The following RBM46 variants were observed in gnomAD, a reference collection of about 807,000 sequenced individuals.
RBM46 encodes RNA binding motif protein 46.
In RBM46, 12 loss-of-function variants were observed where a neutral mutation model predicts 43.3. The observed-to-expected ratio is 0.28, with a 90% CI of 0.18 to 0.45. The LOEUF is 0.45. Among genes scored for constraint, RBM46 ranks in the 20% least tolerant of loss-of-function variants. RBM46 has a pLI of 1.00. For missense variants in RBM46, 412 were observed against 639.1 expected (o/e 0.64, Z 3.83); for synonymous variants, 205 against 207.6 (o/e 0.99, Z 0.11).
intron 4 of RBM46, among the ~76,000 whole-genome samples, chr4:154,805,971 T>C (rs1578925957): frequency 6.6e-6 from 1 of 152,064 alleles, no homozygotes; most frequent in East Asian, 1.9e-4. Flanking sequence ...TTGCAAAATT[T>C]CTTTTAAAAT....
chr4:154,806,877 G>T (rs1734932635), intron 4 of RBM46, among the ~76,000 whole-genome samples: 1 of 151,818 alleles, frequency 6.6e-6, no homozygotes, highest in South Asian at 2.1e-4. Context: ...AACATGCCAT[G>T]TGGGGAGTAT....
chr4:154,796,963 G>A (rs1296790724), intron 2 of RBM46, 60 bp downstream of exon 2: 22 of 1,403,054 alleles, frequency 1.6e-5, no homozygotes, highest in Non-Finnish European at 2.2e-5. Flanking sequence ...TAGATTAGAT[G>A]TGTATCCCCA....
intron 4 of RBM46, among the ~76,000 whole-genome samples, chr4:154,816,734 G>T (rs1735462625): frequency 6.7e-6 from 1 of 149,986 alleles, no homozygotes. Flanking sequence ...TTTCAACATT[G>T]AATACAAATT....
intron 1 of RBM46, among the ~76,000 whole-genome samples, chr4:154,792,567 A>G (rs1235857455): frequency 6.6e-6 from 1 of 152,142 alleles, no homozygotes; most frequent in Non-Finnish European, 1.5e-5. Context: ...AATGTCTGGT[A>G]GTGGGAGAGA....
chr4:154,800,578 C>T (rs1419625709), intron 4 of RBM46, among the ~76,000 whole-genome samples: 1 of 152,078 alleles, frequency 6.6e-6, no homozygotes, highest in East Asian at 1.9e-4. Flanking sequence ...TGTTTTCCTA[C>T]TTTCTGTTTT....
intron 1 of RBM46, among the ~76,000 whole-genome samples, chr4:154,786,761 T>G (rs146478983): frequency 0.033 from 4,963 of 152,102 alleles, 283 homozygotes; most frequent in African/African-American, 0.11. Context: ...ACCCCACCTC[T>G]ACTAAAAATA....
In RBM46 at chr4:154,803,005, GA is replaced by G. The variant is rs34819699; in HGVS notation, c.1402+3449del. 3.3e-5 allele frequency among the ~76,000 whole-genome samples: 5 copies of G among 150,438 alleles called. No individual in the cohort carries two copies. In the South Asian group the frequency reaches 6.3e-4, roughly 19 times the overall value. On this transcript the variant is annotated intron_variant, in intron 4 of 4. Coordinates refer to ENST00000281722, the MANE Select transcript of RBM46 (RefSeq NM_144979.5). ...TATTTCCCAAGTTTGAAAAATAAAA[GA>G]AAAAAAATTAGGCTTTGCTTAAATG...
At chr4:154,795,790 CCTAGCA>C (rs1470274933) in intron 1 of RBM46, among the ~76,000 whole-genome samples, 17 of 152,140 alleles carry the variant, frequency 1.1e-4, no homozygotes, top group Middle Eastern at 3.4e-3. Context: ...CATTTAGGAA[CCTAGCA>C]CTAATTGAAG....
Position 154,827,916 on chromosome 4 carries a change from C to G in RBM46, c.1451C>G (p.Ala484Gly). Residue 484 changes from alanine (A) to glycine (G), a missense_variant, in exon 5 of 5, where the codon GCT (alanine) becomes GGT (glycine). Physicochemically the swap from Ala to Gly is moderately conservative, Grantham distance 60. Transcript: ENST00000281722. ...ATAAATAGTCTTTCCCCTGTTAGTG[C>G]TACCCTCTCTTCTGGGACTCCCAGC... ...SSINSLSPVSATLSSGTPSVL... is the reference protein window; with the variant it reads ...SSINSLSPVSGTLSSGTPSVL... The G allele has an allele frequency of 6.2e-7, 1 of 1,613,910 alleles. No homozygotes were observed. Among genetic ancestry groups the G allele is most frequent in the Non-Finnish European group, 8.5e-7 (1 of 1,179,852 alleles).
chr4:154,820,230 T>C (rs60737037), intron 4 of RBM46: 23,352 of 437,398 alleles, frequency 0.053, 1,308 homozygotes, highest in African/African-American at 0.19. Context: ...CTTACTTCTT[T>C]TTCTCTAAAT....
chr4:154,796,303 AT>A (rs1734348281), intron 1 of RBM46, among the ~76,000 whole-genome samples: 1 of 152,332 alleles, frequency 6.6e-6, no homozygotes, highest in South Asian at 2.1e-4. Flanking sequence ...TTGGGGTGCC[AT>A]TTATTGGTTG....
At chr4:154,793,835 C>T (rs938307183) in intron 1 of RBM46, among the ~76,000 whole-genome samples, 2 of 152,234 alleles carry the variant, frequency 1.3e-5, no homozygotes, top group East Asian at 1.9e-4. Flanking sequence ...GGAGCACGGT[C>T]GATTCCATTT....
At chr4:154,820,307 G>C in intron 4 of RBM46, 1 of 1,155,666 alleles carries the variant, frequency 8.7e-7, no homozygotes, top group Non-Finnish European at 1.2e-6. Flanking sequence ...GCACTTCCAA[G>C]ATAGGGATAA....
At chr4:154,793,832 G>A (rs977137893) in intron 1 of RBM46, among the ~76,000 whole-genome samples, 3 of 152,116 alleles carry the variant, frequency 2.0e-5, no homozygotes, top group African/African-American at 4.8e-5. Context: ...ATAGGAGCAC[G>A]GTCGATTCCA....
intron 4 of RBM46, among the ~76,000 whole-genome samples, chr4:154,816,518 T>A (rs750717565): frequency 1.1e-4 from 17 of 152,120 alleles, no homozygotes; most frequent in Admixed American, 2.0e-4. Context: ...TAATTTCAGT[T>A]TCTAATTGTT....
At chr4:154,817,327 CTTTCTT>C (rs1259984316) in intron 4 of RBM46, among the ~76,000 whole-genome samples, 6 of 125,248 alleles carry the variant, frequency 4.8e-5, no homozygotes, top group Admixed American at 1.9e-4. Context: ...TGGTTTTTCT[CTTTCTT>C]TTTTTTTTTT....
In RBM46 at chr4:154,798,033, A is replaced by C. The variant is rs140214215; in HGVS notation, c.374A>C (p.Glu125Ala). 4 of 1,613,864 alleles carry C rather than the reference A, an allele frequency of 2.5e-6. No individual in the cohort carries two copies. Among genetic ancestry groups the C allele is most frequent in the Non-Finnish European group, 8.5e-7 (1 of 1,179,926 alleles). ...GCCATCAGAATTCTTAATAATTATG[A>C]AATTCGACCAGGGAAGTTTATTGGT... ...QLAIRILNNY[E>A]IRPGKFIGVC... The change falls in exon 3 of 5, where the codon GAA becomes GCA. Residue 125 changes from glutamate (E) to alanine (A), a missense_variant. By Grantham distance (107) the Glu-to-Ala change is moderately radical. Transcript: ENST00000281722.
rs1734505108 is a variant in RBM46 at position 154,799,360 on chromosome 4, T to G, written c.1198T>G (p.Tyr400Asp). The G allele has an allele frequency of 6.2e-7, 1 of 1,613,564 alleles. No homozygotes were observed. The highest frequency in any genetic ancestry group is 1.7e-5 in the Admixed American group (1 of 59,994). ...HFNSAVMHLD[Y>D]YCNKNNWAPP... The stretch of plus-strand genomic sequence containing the variant: ...TAATTCTGCAGTAATGCATTTGGAT[T>G]ATTACTGCAACAAAAATAACTGGGC... The change falls in exon 4 of 5, where the codon TAT becomes GAT. Residue 400 changes from tyrosine (Y) to aspartate (D), a missense_variant. By Grantham distance (160) the Tyr-to-Asp change is radical. Around this residue, in one of 8 missense-constraint regions of RBM46, gnomAD observed 4 missense variants for 21.6 expected, o/e 0.19. Transcript: ENST00000281722.
At chr4:154,821,532 A>G (rs1009673450) in intron 4 of RBM46, among the ~76,000 whole-genome samples, 10 of 151,766 alleles carry the variant, frequency 6.6e-5, no homozygotes, top group African/African-American at 2.4e-4. Context: ...GGATATAATT[A>G]TCTCTTAATA....
Sources: gnomAD v4.1 joint callset for allele counts (sites outside exome capture counted in the v4.1 genomes callset) on GRCh38, gnomAD v4.1.1 for gene constraint, gnomAD v4.1.1 regional missense constraint, MANE v1.5 for transcripts, NCBI Gene and HGNC (gene_info 2026-07-23, HGNC 2026-07-21) for gene names.